The following DPYD variants were observed in gnomAD, a reference collection of about 807,000 sequenced individuals.
DPYD encodes the protein dihydropyrimidine dehydrogenase.
A neutral mutation model predicts 116.2 loss-of-function variants in DPYD; 109 were observed. The observed-to-expected ratio is 0.94, with a 90% confidence interval of 0.80 to 1.10. The LOEUF (loss-of-function observed/expected upper bound fraction) is 1.10, where lower values mean the gene tolerates loss of function less well. Ranked by LOEUF, DPYD falls within the 50% of genes least tolerant of loss-of-function variation. DPYD has a pLI of 0.00. For missense variants in DPYD, 1,302 were observed against 1,254.5 expected, an observed-to-expected ratio of 1.04 and a Z score of -0.57; for synonymous variants, 440 against 432.0, an observed-to-expected ratio of 1.02 and a Z score of -0.23.
chr1:97,687,941 C>T (rs1660819112), intron 7 of DPYD, among the ~76,000 whole-genome samples: 1 of 152,026 alleles, frequency 6.6e-6, no homozygotes, highest in Non-Finnish European at 1.5e-5. Flanking sequence ...TACATGGACA[C>T]AGGGAGGGGA....
intron 1 of DPYD, among the ~76,000 whole-genome samples, chr1:97,916,896 T>C (rs1674243666): frequency 1.3e-5 from 2 of 152,066 alleles, no homozygotes; most frequent in African/African-American, 2.4e-5. Flanking sequence ...TACAGAAATA[T>C]GCAGTACCTT....
At chr1:97,201,153 G>A (rs548474562) in intron 19 of DPYD, among the ~76,000 whole-genome samples, 26 of 152,096 alleles carry the variant, frequency 1.7e-4, no homozygotes, top group African/African-American at 5.5e-4. Flanking sequence ...AAAAAGAAGC[G>A]AAGTGATTTC....
chr1:97,527,022 A>C (rs1649178804), intron 12 of DPYD, among the ~76,000 whole-genome samples: 2 of 152,090 alleles, frequency 1.3e-5, no homozygotes, highest in South Asian at 4.1e-4. Flanking sequence ...TGGTAGAGCA[A>C]GACCTGAATT....
chr1:97,814,036 C>T (rs533773500), intron 3 of DPYD, among the ~76,000 whole-genome samples: 12 of 152,096 alleles, frequency 7.9e-5, no homozygotes, highest in Non-Finnish European at 1.5e-4. Context: ...AATTTTGTGC[C>T]ATATGCCCAA....
chr1:97,148,146 G>C (rs1654763836), intron 20 of DPYD, among the ~76,000 whole-genome samples: 1 of 151,972 alleles, frequency 6.6e-6, no homozygotes, highest in South Asian at 2.1e-4. Context: ...TGCATGACAA[G>C]AACAGCTCTT....
chr1:97,156,897 A>G (rs375355126), intron 20 of DPYD, among the ~76,000 whole-genome samples: 11 of 151,874 alleles, frequency 7.2e-5, no homozygotes, highest in Middle Eastern at 3.4e-3. Context: ...ACTGGATTAA[A>G]AAAATGTGGC....
chr1:97,719,733 CA>C (rs1373340395), intron 5 of DPYD: 3 of 983,644 alleles, frequency 3.0e-6, no homozygotes, highest in Non-Finnish European at 2.4e-6. Flanking sequence ...TCGGCCAACC[CA>C]AAAAAAAGGA....
At position 97,450,058 on chromosome 1, in the gene DPYD, C is replaced by A. The variant is rs3918290; in HGVS notation, c.1905+1G>T. The A allele has an allele frequency of 6.2e-7, 1 of 1,613,792 alleles. No homozygotes were observed. Among genetic ancestry groups the A allele is most frequent in the Non-Finnish European group, 8.5e-7 (1 of 1,179,792 alleles). The stretch of plus-strand genomic sequence containing the variant: ...TGTTTTAGATGTTAAATCACACTTA[C>A]GTTGTCTGGAAAGTCAGCCTTTAGT... On this transcript the variant is annotated splice_donor_variant, in intron 14 of 22. Coordinates refer to ENST00000370192, the MANE Select transcript of DPYD (RefSeq NM_000110.4). LOFTEE classifies it high-confidence loss of function.
chr1:97,524,137 C>G (rs1400798201), intron 12 of DPYD, among the ~76,000 whole-genome samples: 3 of 151,976 alleles, frequency 2.0e-5, no homozygotes, highest in Non-Finnish European at 4.4e-5. Context: ...GGGGAGAAAC[C>G]CAAGAAACTT....
chr1:97,871,343 A>G (rs1448018240), intron 2 of DPYD, among the ~76,000 whole-genome samples: 1 of 151,864 alleles, frequency 6.6e-6, no homozygotes, highest in Admixed American at 6.6e-5. Context: ...GTAGTCTATA[A>G]GAACAACTTC....
intron 14 of DPYD, among the ~76,000 whole-genome samples, chr1:97,428,779 C>CT (rs11382165): frequency 0.74 from 111,408 of 149,616 alleles, 41,665 homozygotes; most frequent in Middle Eastern, 0.84. Flanking sequence ...CTTAAGTTTT[C>CT]TTTTTTTTTT....
chr1:97,644,827 C>T (rs1269270868), intron 8 of DPYD, among the ~76,000 whole-genome samples: 1 of 151,962 alleles, frequency 6.6e-6, no homozygotes, highest in Non-Finnish European at 1.5e-5. Context: ...TTCACATATG[C>T]AAAGATAAGA....
chr1:97,199,552 T>C (rs776854448), intron 19 of DPYD, among the ~76,000 whole-genome samples: 4 of 152,100 alleles, frequency 2.6e-5, no homozygotes, highest in African/African-American at 7.2e-5. Context: ...AGGATATAAT[T>C]TTTTTAATGT....
chr1:97,736,913 A>G (rs1663984407), intron 4 of DPYD, among the ~76,000 whole-genome samples: 1 of 151,374 alleles, frequency 6.6e-6, no homozygotes, highest in Non-Finnish European at 1.5e-5. Flanking sequence ...TATAATCTAC[A>G]TAGCATATGT....
chr1:97,724,400 A>G (rs1185136837), intron 4 of DPYD, among the ~76,000 whole-genome samples: 1 of 150,632 alleles, frequency 6.6e-6, no homozygotes, highest in Non-Finnish European at 1.5e-5. Flanking sequence ...TACACAATTA[A>G]GAACCTGCAA....
chr1:97,201,841 C>T (rs1403639023), intron 19 of DPYD, among the ~76,000 whole-genome samples: 1 of 151,572 alleles, frequency 6.6e-6, no homozygotes, highest in Non-Finnish European at 1.5e-5. Flanking sequence ...GTAACTGTGG[C>T]AGTGCATTGA....
intron 15 of DPYD, among the ~76,000 whole-genome samples, chr1:97,379,764 C>T (rs556718556): frequency 6.6e-6 from 1 of 152,314 alleles, no homozygotes; most frequent in South Asian, 2.1e-4. Context: ...GAAAGGAGAG[C>T]CCTACGGAGT....
chr1:97,623,177 A>G (rs1373741693), intron 8 of DPYD, among the ~76,000 whole-genome samples: 1 of 152,122 alleles, frequency 6.6e-6, no homozygotes, highest in Non-Finnish European at 1.5e-5. Context: ...CTCAAGAATC[A>G]TGACCAAAGA....
intron 14 of DPYD, among the ~76,000 whole-genome samples, chr1:97,384,863 A>G (rs1278806738): frequency 6.6e-6 from 1 of 152,160 alleles, no homozygotes; most frequent in African/African-American, 2.4e-5. Context: ...TTTTGAATAG[A>G]TTCCTTAGAG....
Sources: allele counts gnomAD v4.1 joint callset (sites outside exome capture counted in the v4.1 genomes callset), GRCh38; gene constraint gnomAD v4.1.1; transcripts MANE v1.5; gene names NCBI Gene and HGNC (gene_info 2026-07-23, HGNC 2026-07-21).